SKAP2: variants seen among roughly 807,000 people sequenced by gnomAD.
SKAP2 encodes the protein src kinase associated phosphoprotein 2.
SKAP2 carries 28 observed loss-of-function variants against 54.9 expected under a neutral mutation model. That is an observed-to-expected ratio of 0.51 (90% CI 0.38 to 0.70). The LOEUF is 0.70. SKAP2 is among the 30% of genes least tolerant of loss of function. The pLI is 0.00. For synonymous variants in SKAP2, 137 were observed against 134.3 expected (o/e 1.02, Z -0.14); for missense variants, 356 against 424.1 (o/e 0.84, Z 1.41).
At chr7:26,817,101 C>T (rs3801826) in intron 4 of SKAP2, among the ~76,000 whole-genome samples, 32,190 of 151,988 alleles carry the variant, frequency 0.21, 3,501 homozygotes, top group Non-Finnish European at 0.24. Flanking sequence ...TGGACATCAG[C>T]ATTTCAACAC....
At chr7:26,813,463 T>C (rs1784199479) in intron 4 of SKAP2, among the ~76,000 whole-genome samples, 1 of 152,186 alleles carries the variant, frequency 6.6e-6, no homozygotes, top group Non-Finnish European at 1.5e-5. Flanking sequence ...TGTCTGTCAA[T>C]CAACAATAAA....
intron 4 of SKAP2, among the ~76,000 whole-genome samples, chr7:26,803,322 A>G (rs1232510584): frequency 6.6e-6 from 1 of 152,236 alleles, no homozygotes; most frequent in Non-Finnish European, 1.5e-5. Context: ...CTTTGAACAG[A>G]CATTTCTCAA....
At chr7:26,798,702 T>A (rs1395342658) in intron 4 of SKAP2, among the ~76,000 whole-genome samples, 1 of 152,120 alleles carries the variant, frequency 6.6e-6, no homozygotes, top group African/African-American at 2.4e-5. Context: ...ATAACTACTT[T>A]TCAAGACACA....
chr7:26,816,194 G>A (rs906646206), intron 4 of SKAP2, among the ~76,000 whole-genome samples: 3 of 152,016 alleles, frequency 2.0e-5, no homozygotes, highest in East Asian at 1.9e-4. Flanking sequence ...TAGCAACATC[G>A]CAAGACACGT....
At position 26,775,993 on chromosome 7, in the gene SKAP2, T is replaced by C. The variant is rs374435070; in HGVS notation, c.308-36029A>G. 7.9e-5 allele frequency among the ~76,000 whole-genome samples: 12 copies of C among 152,260 alleles called. No homozygotes were observed. The East Asian group carries it at 2.1e-3, about 27-fold the overall frequency. On this transcript the variant is annotated intron_variant, in intron 4 of 12. Coordinates refer to ENST00000345317, the MANE Select transcript of SKAP2 (RefSeq NM_003930.5). Reference sequence around the variant, plus strand: ...GTTTCATTCCTCAATCCACTACAATTTGACTTCTGCACATACTGCTCCATG... The same window carrying C: ...GTTTCATTCCTCAATCCACTACAATCTGACTTCTGCACATACTGCTCCATG...
chr7:26,724,943 A>G (rs1787667605), intron 9 of SKAP2, among the ~76,000 whole-genome samples: 1 of 152,112 alleles, frequency 6.6e-6, no homozygotes, highest in Non-Finnish European at 1.5e-5. Flanking sequence ...GCCTTTGTTT[A>G]TAGTTCAACA....
At chr7:26,736,004 T>A (rs1327968281) in intron 6 of SKAP2, among the ~76,000 whole-genome samples, 1 of 151,838 alleles carries the variant, frequency 6.6e-6, no homozygotes, top group Non-Finnish European at 1.5e-5. Context: ...AAGGGAAAAA[T>A]TTAAGGAAAC....
rs140354166 is a variant in SKAP2, at chr7:26,812,736, C to T, written c.307+31294G>A. On this transcript the variant is annotated intron_variant, in intron 4 of 12. Coordinates refer to ENST00000345317, the MANE Select transcript of SKAP2 (RefSeq NM_003930.5). ...AATAATGCAAGAATAAAATTATCATCTATGGTCGTATCACTTTTTATACCA... is the reference window on the plus strand; with the variant it reads ...AATAATGCAAGAATAAAATTATCATTTATGGTCGTATCACTTTTTATACCA... Among the ~76,000 whole-genome samples the T allele has an allele frequency of 8.0e-3, 1,223 of 152,152 alleles. 8 individuals carry two copies. The highest frequency in any genetic ancestry group is 0.018 in the Admixed American group (278 of 15,280).
At chr7:26,826,434 C>T (rs1035188681) in intron 4 of SKAP2, among the ~76,000 whole-genome samples, 1 of 152,136 alleles carries the variant, frequency 6.6e-6, no homozygotes, top group Non-Finnish European at 1.5e-5. Flanking sequence ...ACAAGTGAAC[C>T]AATAAACTTC....
chr7:26,656,510 AAC>A, the SKAP2 span, among the ~76,000 whole-genome samples: 1 of 152,248 alleles, frequency 6.6e-6, no homozygotes, highest in African/African-American at 2.4e-5. Context: ...TACAAACAAA[AAC>A]ACAGATATGT....
intron 11 of SKAP2, among the ~76,000 whole-genome samples, chr7:26,678,629 C>T (rs774191687): frequency 5.3e-5 from 8 of 151,732 alleles, no homozygotes; most frequent in Non-Finnish European, 8.8e-5. Context: ...TTAGTAGAGA[C>T]GGGGTTTCAC....
At chr7:26,814,020 GTGATATT>G (rs1355713522) in intron 4 of SKAP2, among the ~76,000 whole-genome samples, 1 of 152,090 alleles carries the variant, frequency 6.6e-6, no homozygotes, top group Non-Finnish European at 1.5e-5. Flanking sequence ...AGATTTAGCT[GTGATATT>G]TTAGCTTCAT....
rs373136966 is a variant in SKAP2 at position 26,843,999 on chromosome 7, T to C, written c.307+31A>G. The C allele has an allele frequency of 4.0e-5, 52 of 1,298,226 alleles. No homozygotes were observed. In the African/African-American group the frequency reaches 6.0e-4, roughly 15 times the overall value. 80.4% of individuals were successfully genotyped at this position (1,298,226 alleles called of 1,614,324 possible). On this transcript the variant is annotated intron_variant, in intron 4 of 12. Transcript: ENST00000345317. ...TATATATAGCATTGTTTTGTGTGAG[T>C]GTCAGAGTTACGTGGGAAAATGTCA...
At chr7:26,672,004 A>G (rs1786254484) in intron 11 of SKAP2, among the ~76,000 whole-genome samples, 1 of 152,004 alleles carries the variant, frequency 6.6e-6, no homozygotes, top group African/African-American at 2.4e-5. Context: ...GGTAGGTCTG[A>G]GTGTTAAAGC....
intron 4 of SKAP2, among the ~76,000 whole-genome samples, chr7:26,832,189 G>T (rs1420451863): frequency 6.6e-6 from 1 of 152,096 alleles, no homozygotes; most frequent in Non-Finnish European, 1.5e-5. Flanking sequence ...AATAAAGTTG[G>T]TAAGGTTTCC....
chr7:26,665,992 TACACACAC>T (rs57804557), downstream of SKAP2, among the ~76,000 whole-genome samples: 3 of 149,612 alleles, frequency 2.0e-5, no homozygotes, highest in African/African-American at 7.3e-5. Flanking sequence ...ATATACAGTG[TACACACAC>T]ACACACACAC....
chr7:26,657,741 C>G, the SKAP2 span, among the ~76,000 whole-genome samples: 2 of 143,206 alleles, frequency 1.4e-5, no homozygotes, highest in East Asian at 4.6e-4. Flanking sequence ...CCCCGCCCCC[C>G]CCGCCCCAAC....
At chr7:26,820,553 A>G (rs1784366305) in intron 4 of SKAP2, among the ~76,000 whole-genome samples, 1 of 152,148 alleles carries the variant, frequency 6.6e-6, no homozygotes, top group South Asian at 2.1e-4. Flanking sequence ...TTGTTTCATT[A>G]CTTTCCTACT....
Position 26,801,277 on chromosome 7 carries a change from G to A in SKAP2, c.307+42753C>T, listed in dbSNP as rs1783908835. Among the ~76,000 whole-genome samples, 6 of 152,152 alleles carry A rather than the reference G, an allele frequency of 3.9e-5. No homozygotes were observed. The South Asian group carries it at 1.2e-3, about 32-fold the overall frequency. ...AAACCATATGATCATTTCAACTGAT[G>A]CTGAAAAGGCATTTGATAAAATTCA... On this transcript the variant is annotated intron_variant, in intron 4 of 12. Transcript: ENST00000345317.
Sources: allele counts gnomAD v4.1 joint callset (sites outside exome capture counted in the v4.1 genomes callset), GRCh38; gene constraint gnomAD v4.1.1; transcripts MANE v1.5; gene names NCBI Gene and HGNC (gene_info 2026-07-23, HGNC 2026-07-21).